The following ZFHX3 variants were observed in gnomAD, a reference collection of about 807,000 sequenced individuals.
The protein encoded by ZFHX3 is zinc finger homeobox 3, also known as zinc finger homeobox protein 3.
Under a neutral mutation model 279.1 loss-of-function variants are expected in ZFHX3, and 42 were observed. That is an observed-to-expected ratio of 0.15 (90% CI 0.12 to 0.19). ZFHX3 has a LOEUF of 0.19. Among genes scored for constraint, ZFHX3 ranks in the 10% least tolerant of loss-of-function variants. The pLI, the probability that ZFHX3 is intolerant of heterozygous loss-of-function variation, is 1.00. For missense variants in ZFHX3, 4,981 were observed against 4,754.0 expected (o/e 1.05, Z -1.40); for synonymous variants, 2,293 against 1,957.8 (o/e 1.17, Z -4.52).
intron 3 of ZFHX3, among the ~76,000 whole-genome samples, chr16:72,898,191 AT>A (rs1367654085): frequency 6.6e-6 from 1 of 152,170 alleles, no homozygotes. Flanking sequence ...TCCTTGACGC[AT>A]GCTAATTTAG....
chr16:73,676,826 G>A (rs555717773), intron 2 of ZFHX3, among the ~76,000 whole-genome samples: 1 of 151,958 alleles, frequency 6.6e-6, no homozygotes, highest in South Asian at 2.1e-4. Flanking sequence ...ATTAGTATTA[G>A]AGAAATAAAA....
At chr16:73,588,711 A>C (rs1298481815) in intron 2 of ZFHX3, among the ~76,000 whole-genome samples, 6 of 151,330 alleles carry the variant, frequency 4.0e-5, no homozygotes, top group Non-Finnish European at 5.9e-5. Context: ...ACAAAACAAA[A>C]AAAAAAAAAA....
intron 3 of ZFHX3, among the ~76,000 whole-genome samples, chr16:73,355,903 G>T (rs547891895): frequency 1.3e-5 from 2 of 152,250 alleles, no homozygotes; most frequent in East Asian, 3.9e-4. Flanking sequence ...TTTACTCAGG[G>T]TCACACAGCT....
chr16:73,023,559 C>T (rs996960317), intron 1 of ZFHX3, among the ~76,000 whole-genome samples: 5 of 152,222 alleles, frequency 3.3e-5, no homozygotes, highest in African/African-American at 4.8e-5. Context: ...CTCCCTCCCA[C>T]GATGCGCTAC....
chr16:73,698,240 G>C (rs1189617993), intron 1 of ZFHX3, among the ~76,000 whole-genome samples: 1 of 151,770 alleles, frequency 6.6e-6, no homozygotes, highest in African/African-American at 2.4e-5. Context: ...AATTCATATT[G>C]GTATAAATTA....
chr16:73,405,577 GT>G (rs896174971), intron 3 of ZFHX3, among the ~76,000 whole-genome samples: 1 of 139,730 alleles, frequency 7.2e-6, no homozygotes, highest in Non-Finnish European at 1.5e-5. Context: ...TTATACATTA[GT>G]TTTTTTGTTT....
chr16:73,851,365 C>A (rs766683333), intron 1 of ZFHX3, among the ~76,000 whole-genome samples: 1 of 152,172 alleles, frequency 6.6e-6, no homozygotes, highest in African/African-American at 2.4e-5. Flanking sequence ...CAACTGTCCT[C>A]TCCTGAGGTT....
At chr16:73,091,235 G>GA (rs71692673) in intron 8 of ZFHX3, among the ~76,000 whole-genome samples, 57 of 142,486 alleles carry the variant, frequency 4.0e-4, no homozygotes, top group East Asian at 2.8e-3. Context: ...AGAAAGCGGG[G>GA]AAAAAAAAAA....
chr16:73,764,363 A>G (rs1280977637), intron 1 of ZFHX3, among the ~76,000 whole-genome samples: 1 of 152,136 alleles, frequency 6.6e-6, no homozygotes, highest in Non-Finnish European at 1.5e-5. Flanking sequence ...TAATATATAA[A>G]TAAATTTGCT....
At chr16:73,002,139 C>T (rs1567626872) in intron 1 of ZFHX3, among the ~76,000 whole-genome samples, 3 of 152,150 alleles carry the variant, frequency 2.0e-5, no homozygotes, top group Non-Finnish European at 4.4e-5. Flanking sequence ...GCATCTGAGA[C>T]CCACAGCCAT....
rs192792008 is a variant in ZFHX3 at position 72,853,568 on chromosome 16, A to G, written c.3449-23709T>C. Among the ~76,000 whole-genome samples the G allele has an allele frequency of 3.9e-5, 6 of 152,334 alleles. No individual in the cohort carries two copies. In the East Asian group the frequency reaches 9.6e-4, roughly 24 times the overall value. On this transcript the variant is annotated intron_variant, in intron 4 of 9. Transcript: ENST00000268489. ...TTACAATTAGCCTGGCTTTCCTGCT[A>G]AAGTGTTTTTTAAGCAGAGTTTACT...
chr16:73,344,479 C>T (rs2016089471), intron 3 of ZFHX3, among the ~76,000 whole-genome samples: 1 of 152,146 alleles, frequency 6.6e-6, no homozygotes. Context: ...AAAGCACATT[C>T]TTGGAAGGAT....
intron 3 of ZFHX3, among the ~76,000 whole-genome samples, chr16:73,377,432 T>C (rs2016741071): frequency 6.6e-6 from 1 of 152,128 alleles, no homozygotes; most frequent in Non-Finnish European, 1.5e-5. Context: ...GATGGACAAC[T>C]AGATCAATGG....
intron 1 of ZFHX3, among the ~76,000 whole-genome samples, chr16:73,044,381 G>A (rs1266831219): frequency 1.3e-5 from 2 of 152,168 alleles, no homozygotes; most frequent in African/African-American, 2.4e-5. Flanking sequence ...AATAGGCCAG[G>A]CTAACAGCAA....
chr16:73,070,214 A>G (rs1225306028), intron 8 of ZFHX3, among the ~76,000 whole-genome samples: 1 of 152,172 alleles, frequency 6.6e-6, no homozygotes, highest in African/African-American at 2.4e-5. Context: ...CTTTTAATGT[A>G]TTCTCATTGA....
At chr16:72,814,677 A>G (rs768377752) in intron 5 of ZFHX3, among the ~76,000 whole-genome samples, 1 of 151,626 alleles carries the variant, frequency 6.6e-6, no homozygotes, top group Non-Finnish European at 1.5e-5. Flanking sequence ...AGCTTGAGCT[A>G]AGGACCCATT....
At chr16:73,597,881 T>C (rs1320512570) in intron 2 of ZFHX3, among the ~76,000 whole-genome samples, 1 of 152,234 alleles carries the variant, frequency 6.6e-6, no homozygotes, top group Admixed American at 6.5e-5. Context: ...TGGAGTTCAG[T>C]ATAGCCCTTG....
chr16:73,472,464 C>T (rs1227805107), intron 2 of ZFHX3, among the ~76,000 whole-genome samples: 3 of 152,110 alleles, frequency 2.0e-5, no homozygotes, highest in Non-Finnish European at 4.4e-5. Flanking sequence ...AAAAGCTCCA[C>T]CACATTGGAA....
intron 1 of ZFHX3, among the ~76,000 whole-genome samples, chr16:73,785,770 A>G (rs907027721): frequency 6.6e-6 from 1 of 152,124 alleles, no homozygotes; most frequent in Admixed American, 6.5e-5. Flanking sequence ...TGTTATTCAT[A>G]TTAGGTCTTC....
Sources: allele counts gnomAD v4.1 joint callset (sites outside exome capture counted in the v4.1 genomes callset), GRCh38; gene constraint gnomAD v4.1.1; transcripts MANE v1.5; gene names NCBI Gene and HGNC (gene_info 2026-07-23, HGNC 2026-07-21).